Variants in PRRC2C observed in about 807,000 individuals in gnomAD.
The protein encoded by PRRC2C is proline rich coiled-coil 2C.
Under a neutral mutation model 317.2 loss-of-function variants are expected in PRRC2C, and 72 were observed. The observed-to-expected ratio is 0.23, with a 90% CI of 0.19 to 0.28. The LOEUF (loss-of-function observed/expected upper bound fraction) is 0.28, where lower values mean the gene tolerates loss of function less well. Among genes scored for constraint, PRRC2C ranks in the 10% least tolerant of loss-of-function variants. The pLI is 1.00. For missense variants in PRRC2C, 3,074 were observed against 3,459.7 expected (o/e 0.89, Z 2.80); for synonymous variants, 1,296 against 1,205.9 (o/e 1.07, Z -1.55).
intron 1 of PRRC2C, 43 bp from the exon 2 acceptor site, chr1:171,511,989 T>C (rs1671474386): frequency 1.8e-6 from 1 of 571,382 alleles, no homozygotes; most frequent in African/African-American, 1.9e-5. Flanking sequence ...TTGAATTTAC[T>C]GAGTTTTTCA....
At chr1:171,511,979 T>C in intron 1 of PRRC2C, 53 bp from the exon 2 acceptor site, 1 of 554,834 alleles carries the variant, frequency 1.8e-6, no homozygotes, top group South Asian at 2.8e-5. Context: ...CTGTGAACAT[T>C]TGAATTTACT....
chr1:171,513,222 G>A, intron 3 of PRRC2C, 50 bp downstream of exon 3: 1 of 1,534,092 alleles, frequency 6.5e-7, no homozygotes, highest in Non-Finnish European at 8.8e-7. Context: ...TCTTTGTAGG[G>A]AACTTATGTT....
intron 20 of PRRC2C, among the ~76,000 whole-genome samples, chr1:171,563,763 C>T (rs1178909211): frequency 6.6e-6 from 1 of 152,098 alleles, no homozygotes; most frequent in Non-Finnish European, 1.5e-5. Context: ...TCACTGCATT[C>T]AATATTTAAG....
At chr1:171,546,321 TACTG>T (rs1411488212) in intron 17 of PRRC2C, among the ~76,000 whole-genome samples, 1 of 152,242 alleles carries the variant, frequency 6.6e-6, no homozygotes, top group Admixed American at 6.5e-5. Flanking sequence ...AAACTGGAAA[TACTG>T]AATAAAATTG....
At position 171,557,805 on chromosome 1, in the gene PRRC2C, C is replaced by G; in HGVS notation, c.5693C>G (p.Ser1898Ter). ...ATCACAGCACCAACTATCCCAGCCTCAGCCCCAACTGCCTCAGTCCCACTT... is the reference window on the plus strand; with the variant it reads ...ATCACAGCACCAACTATCCCAGCCTGAGCCCCAACTGCCTCAGTCCCACTT... ...PVITAPTIPA[S>*]APTASVPLAP... Residue 1898 changes from serine (S) to a stop codon, truncating the protein, a stop_gained, in exon 19 of 35, where the codon TCA becomes TGA. Transcript: ENST00000647382. LOFTEE classifies it high-confidence loss of function. 6.4e-7 allele frequency: 1 copy of G among 1,550,462 alleles called. No individual in the cohort carries two copies.
At chr1:171,583,311 AT>A (rs1007528468) in intron 28 of PRRC2C, among the ~76,000 whole-genome samples, 9 of 150,998 alleles carry the variant, frequency 6.0e-5, no homozygotes, top group South Asian at 2.1e-4. Flanking sequence ...TAATTTTTTA[AT>A]TTTTTTTTAA....
intron 18 of PRRC2C, among the ~76,000 whole-genome samples, chr1:171,550,836 A>C (rs1680091009): frequency 6.6e-6 from 1 of 152,106 alleles, no homozygotes; most frequent in African/African-American, 2.4e-5. Flanking sequence ...CATGGTGTAT[A>C]TGTGCCACAT....
At chr1:171,571,241 A>G in intron 23 of PRRC2C, 79 bp from the exon 24 acceptor site, 1 of 740,576 alleles carries the variant, frequency 1.4e-6, no homozygotes, top group East Asian at 2.7e-5. Context: ...TACCCTTAGA[A>G]CACCTTAGCA....
At chr1:171,514,735 A>C (rs1672020858) in intron 4 of PRRC2C, 90 bp downstream of exon 4, 2 of 1,110,446 alleles carry the variant, frequency 1.8e-6, no homozygotes, top group Non-Finnish European at 2.6e-6. Flanking sequence ...GTTTTGGTAG[A>C]GCCATAAAGC....
At chr1:171,555,254 C>T (rs925462980) in intron 18 of PRRC2C, among the ~76,000 whole-genome samples, 15 of 152,178 alleles carry the variant, frequency 9.9e-5, no homozygotes, top group East Asian at 1.9e-4. Context: ...TTGATCGAAT[C>T]GGCTACTGAA....
chr1:171,517,537 T>G, intron 5 of PRRC2C, 54 bp from the exon 6 acceptor site: 1 of 1,537,060 alleles, frequency 6.5e-7, no homozygotes, highest in Non-Finnish European at 8.9e-7. Context: ...TGGTTTCACT[T>G]TGTTCCATTT....
intron 15 of PRRC2C, among the ~76,000 whole-genome samples, chr1:171,539,537 A>G (rs983664010): frequency 1.4e-4 from 22 of 151,994 alleles, no homozygotes; most frequent in African/African-American, 5.1e-4. Context: ...ACCTATACCT[A>G]TATTTCCTAT....
In PRRC2C at chr1:171,587,750, C is replaced by G. The variant is rs777668274; in HGVS notation, c.8071C>G (p.Arg2691Gly). 4 of 1,599,926 alleles carry G rather than the reference C, an allele frequency of 2.5e-6. No individual in the cohort carries two copies. The African/African-American group carries it at 5.4e-5, about 21-fold the overall frequency. Residue 2691 changes from arginine to glycine, a missense_variant and splice_region_variant, in exon 32 of 35, where the codon CGG becomes GGG. Transcript: ENST00000647382. ...RSTTPTSSPF[R>G]ATSTSPNSQS... ...CACCACACCAACATCTAGTCCCTTC[C>G]GGTAAAATGGGCATTTAAATTTGCT...
intron 11 of PRRC2C, 110 bp from the exon 12 acceptor site, chr1:171,532,233 A>G (rs540045495): frequency 1.7e-6 from 2 of 1,143,144 alleles, no homozygotes; most frequent in East Asian, 2.6e-5. Context: ...GTGTATGTTC[A>G]TCAGAGAAAT....
intron 19 of PRRC2C, among the ~76,000 whole-genome samples, chr1:171,559,344 G>T (rs1193767174): frequency 6.6e-6 from 1 of 152,174 alleles, no homozygotes; most frequent in Non-Finnish European, 1.5e-5. Context: ...CTTGTTAGGG[G>T]CTAATGTATC....
intron 20 of PRRC2C, among the ~76,000 whole-genome samples, chr1:171,564,932 G>A (rs552268307): frequency 6.6e-6 from 1 of 152,126 alleles, no homozygotes; most frequent in South Asian, 2.1e-4. Flanking sequence ...ATTATATCCG[G>A]GTAGATATAA....
intron 1 of PRRC2C, chr1:171,509,741 T>G (rs1205974465): frequency 6.6e-6 from 1 of 151,852 alleles, no homozygotes; most frequent in East Asian, 1.9e-4. Flanking sequence ...TTCCTCAGAG[T>G]TTGATTCAGT....
rs746739206 is a variant in PRRC2C at position 171,537,254 on chromosome 1, T to G, written c.2294-9T>G. 3 of 1,570,020 alleles carry G rather than the reference T, an allele frequency of 1.9e-6. No individual in the cohort carries two copies. Among genetic ancestry groups the G allele is most frequent in the Non-Finnish European group, 2.6e-6 (3 of 1,154,640 alleles). On this transcript the variant is annotated splice_polypyrimidine_tract_variant and intron_variant, in intron 14 of 34. Coordinates refer to ENST00000647382, the MANE Select transcript of PRRC2C (RefSeq NM_001387844.1). ...CCTCATTTCACCTTTTTCTGAACTT[T>G]TGTTACAGGAATGATTCCTCCTAAA...
At chr1:171,502,279 C>T (rs1669255486) in intron 1 of PRRC2C, among the ~76,000 whole-genome samples, 1 of 152,172 alleles carries the variant, frequency 6.6e-6, no homozygotes. Flanking sequence ...TTTAGAGACA[C>T]TTGGGGAACT....
Sources: gnomAD v4.1 joint callset for allele counts (sites outside exome capture counted in the v4.1 genomes callset) on GRCh38, gnomAD v4.1.1 for gene constraint, MANE v1.5 for transcripts, NCBI Gene and HGNC (gene_info 2026-07-23, HGNC 2026-07-21) for gene names.